Variants in ONECUT2 observed in about 807,000 individuals in gnomAD.
ONECUT2 encodes one cut domain family member 2.
ONECUT2 carries 10 observed loss-of-function variants against 27.9 expected under a neutral mutation model. That is an observed-to-expected ratio of 0.36 (90% CI 0.22 to 0.61). The LOEUF (loss-of-function observed/expected upper bound fraction) is 0.61. Ranked by LOEUF, ONECUT2 falls within the 20% of genes least tolerant of loss-of-function variation. The pLI is 0.73. For missense variants in ONECUT2, 686 were observed against 721.0 expected (o/e 0.95, Z 0.56); for synonymous variants, 334 against 315.1 (o/e 1.06, Z -0.64).
At position 57,478,035 on chromosome 18, in the gene ONECUT2, A is replaced by G. The variant is rs1479075842; in HGVS notation, c.*1312A>G. Reference sequence around the variant, plus strand: ...ATACTGCAAACCAAAGACATTTATGACTTGTCATTTTCTAGCCTAAAAATA... The same window carrying G: ...ATACTGCAAACCAAAGACATTTATGGCTTGTCATTTTCTAGCCTAAAAATA... On this transcript the variant is annotated 3_prime_UTR_variant, in exon 2 of 2. Transcript: ENST00000491143. 6.6e-6 allele frequency: 1 copy of G among 152,654 alleles called. No homozygotes were observed. The highest frequency in any genetic ancestry group is 2.4e-5 in the African/African-American group (1 of 41,456). 9.5% of individuals were successfully genotyped at this position (152,654 alleles called of 1,614,324 possible).
In ONECUT2 at chr18:57,487,778, A is replaced by G. The variant is rs527502902; in HGVS notation, c.*11055A>G. ...AATATAAGAAGAAGTTTTGAAACCC[A>G]CTTTAGGAAAACCATCTTCTTTAAA... On this transcript the variant is annotated 3_prime_UTR_variant, in exon 2 of 2. Coordinates refer to ENST00000491143, the MANE Select transcript of ONECUT2 (RefSeq NM_004852.3). 1 of 152,240 alleles carries G rather than the reference A, an allele frequency of 6.6e-6. No homozygotes were observed. The highest frequency in any genetic ancestry group is 2.4e-5 in the African/African-American group (1 of 41,554). 9.4% of individuals were successfully genotyped at this position (152,240 alleles called of 1,614,324 possible).
rs35196996 is a variant in ONECUT2, at chr18:57,489,673, A to ACTAT, written c.*12953_*12954insTCTA. The ACTAT allele has an allele frequency of 0.98, 148,516 of 152,146 alleles. 72,601 individuals are homozygous for ACTAT. The highest frequency in any genetic ancestry group is 1 in the East Asian group (5,184 of 5,184). 9.4% of individuals were successfully genotyped at this position (152,146 alleles called of 1,614,324 possible). ...CACCTGGGAAGAAAAGAGTCCGAAG[A>ACTAT]CTAGCAATCGGATAGGTAGTCATAC... On this transcript the variant is annotated 3_prime_UTR_variant, in exon 2 of 2. Transcript: ENST00000491143.
chr18:57,435,852 G>C lies in ONECUT2; in HGVS notation c.136G>C (p.Gly46Arg). The C allele has an allele frequency of 9.9e-7, 1 of 1,005,942 alleles. No individual in the cohort carries two copies. The highest frequency in any genetic ancestry group is 1.2e-6 in the Non-Finnish European group (1 of 842,672). 62.3% of individuals were successfully genotyped at this position (1,005,942 alleles called of 1,614,324 possible). ...AGGGSGGGGG[G>R]GGGGGGGGPG... ...CGGCGGCAGTGGCGGGGGCGGCGGCGGGGGCGGCGGGGGCGGCGGCGGGGG... is the reference window on the plus strand; with the variant it reads ...CGGCGGCAGTGGCGGGGGCGGCGGCCGGGGCGGCGGGGGCGGCGGCGGGGG... Residue 46 changes from glycine to arginine, a missense_variant, in exon 1 of 2, where the codon GGG becomes CGG. Physicochemically the swap from Gly to Arg is moderately radical, Grantham distance 125. Coordinates refer to ENST00000491143, the MANE Select transcript of ONECUT2 (RefSeq NM_004852.3).
intron 1 of ONECUT2, among the ~76,000 whole-genome samples, chr18:57,455,393 C>G (rs190599181): frequency 1.3e-5 from 2 of 152,200 alleles, no homozygotes; most frequent in Non-Finnish European, 2.9e-5. Flanking sequence ...TAAACAGTCT[C>G]TAGTATCCTT....
At chr18:57,448,443 T>C (rs1412664810) in intron 1 of ONECUT2, among the ~76,000 whole-genome samples, 1 of 152,144 alleles carries the variant, frequency 6.6e-6, no homozygotes, top group Non-Finnish European at 1.5e-5. Flanking sequence ...TTGAAAAAAA[T>C]TGTTTCTGTG....
At chr18:57,448,205 A>G (rs899528568) in intron 1 of ONECUT2, among the ~76,000 whole-genome samples, 1 of 152,310 alleles carries the variant, frequency 6.6e-6, no homozygotes, top group Non-Finnish European at 1.5e-5. Flanking sequence ...CTCTTGCTTT[A>G]TTTCAAATAA....
At chr18:57,451,613 A>C (rs2050230813) in intron 1 of ONECUT2, among the ~76,000 whole-genome samples, 1 of 152,094 alleles carries the variant, frequency 6.6e-6, no homozygotes, top group Admixed American at 6.5e-5. Flanking sequence ...CTCCTCCCTA[A>C]CCAGTTCTCC....
At position 57,487,938 on chromosome 18, in the gene ONECUT2, A is replaced by C. The variant is rs2050446111; in HGVS notation, c.*11215A>C. 1 of 152,220 alleles carries C rather than the reference A, an allele frequency of 6.6e-6. No individual in the cohort carries two copies. Among genetic ancestry groups the C allele is most frequent in the Admixed American group, 6.5e-5 (1 of 15,276 alleles). 9.4% of individuals were successfully genotyped at this position (152,220 alleles called of 1,614,324 possible). On this transcript the variant is annotated 3_prime_UTR_variant, in exon 2 of 2. Coordinates refer to ENST00000491143, the MANE Select transcript of ONECUT2 (RefSeq NM_004852.3). ...CATATTTCCCAAACCAAAATGCTTG[A>C]CATAAAGCCAAATCAACTGCCAAGC... is the stretch of plus-strand genomic sequence containing the variant.
rs767209341 is a variant in ONECUT2 at position 57,436,478 on chromosome 18, C to G, written c.762C>G (p.His254Gln). ...QSLPNYGPPG[H>Q]DKMLSPNFDA... The stretch of plus-strand genomic sequence containing the variant: ...TGCCCAACTACGGTCCGCCGGGCCA[C>G]GACAAAATGCTCAGCCCCAACTTCG... Residue 254 changes from histidine (H) to glutamine (Q), a missense_variant, in exon 1 of 2, where the codon CAC (histidine) becomes CAG (glutamine). This residue lies in a region of ONECUT2 where 511 missense variants were observed against 488.1 expected (regional missense o/e 1.05). Coordinates refer to ENST00000491143, the MANE Select transcript of ONECUT2 (RefSeq NM_004852.3). This position sits in a 1 kb window ranked among gnomAD's most constrained non-coding sequence, Gnocchi z 5.9. 6.2e-7 allele frequency: 1 copy of G among 1,613,244 alleles called. No individual in the cohort carries two copies. Among genetic ancestry groups the G allele is most frequent in the East Asian group, 2.2e-5 (1 of 44,860 alleles).
rs764014713 is a variant in ONECUT2 at position 57,436,656 on chromosome 18, C to A, written c.940C>A (p.Arg314=). The change falls in exon 1 of 2, where the codon CGG becomes AGG. Residue 314 remains arginine (R), a synonymous_variant. Coordinates refer to ENST00000491143, the MANE Select transcript of ONECUT2 (RefSeq NM_004852.3). The surrounding 1 kb of genome is among the most constrained non-coding windows in gnomAD (Gnocchi z 5.9). ...HGPVLAPSRE[R]PPSSSSGSQV... ...GCCGGTGCTGGCACCCAGTCGCGAG[C>A]GGCCACCCTCGTCCTCATCGGGCTC... 2.5e-6 allele frequency: 4 copies of A among 1,612,262 alleles called. No individual in the cohort carries two copies. Among genetic ancestry groups the A allele is most frequent in the Non-Finnish European group, 3.4e-6 (4 of 1,179,862 alleles).
intron 1 of ONECUT2, among the ~76,000 whole-genome samples, chr18:57,464,634 A>G (rs1249689419): frequency 6.6e-6 from 1 of 152,268 alleles, no homozygotes; most frequent in Non-Finnish European, 1.5e-5. Context: ...TCACATAAAG[A>G]TGAAAAGTAA....
Position 57,435,660 on chromosome 18 carries a change from T to C in ONECUT2, c.-57T>C. ...CAGCCGAGCCCCGCCACGCGCGCCT[T>C]GCCCGCCCGCCGGCCGCCCCCGCCG... On this transcript the variant is annotated 5_prime_UTR_variant, in exon 1 of 2. Coordinates refer to ENST00000491143, the MANE Select transcript of ONECUT2 (RefSeq NM_004852.3). The C allele has an allele frequency of 2.0e-6, 2 of 1,005,234 alleles. No homozygotes were observed. Among genetic ancestry groups the C allele is most frequent in the Non-Finnish European group, 2.4e-6 (2 of 839,278 alleles). The allele number at this position is 1,005,234 out of a possible 1,614,324, so 62.3% of individuals were successfully genotyped here.
At chr18:57,444,863 A>G (rs948991619) in intron 1 of ONECUT2, among the ~76,000 whole-genome samples, 4 of 152,064 alleles carry the variant, frequency 2.6e-5, no homozygotes, top group African/African-American at 9.7e-5. Flanking sequence ...CAAACCAAAC[A>G]AAAATGGGAA....
intron 1 of ONECUT2, chr18:57,444,360 C>T: frequency 4.4e-6 from 2 of 456,670 alleles, no homozygotes; most frequent in Non-Finnish European, 8.8e-6. Context: ...TGTTTGACGG[C>T]TCATTTTTCT....
intron 1 of ONECUT2, among the ~76,000 whole-genome samples, chr18:57,472,664 C>T (rs1462866270): frequency 2.0e-5 from 3 of 151,934 alleles, no homozygotes; most frequent in African/African-American, 7.3e-5. Context: ...GTTTGCTTCA[C>T]GTTAAGTCTT....
chr18:57,446,479 A>G (rs1251250848), intron 1 of ONECUT2, among the ~76,000 whole-genome samples: 1 of 152,158 alleles, frequency 6.6e-6, no homozygotes, highest in African/African-American at 2.4e-5. Flanking sequence ...AAAGGTTTCA[A>G]GTGGAGTCGG....
At position 57,476,516 on chromosome 18, in the gene ONECUT2, C is replaced by T. The variant is rs761961481; in HGVS notation, c.1308C>T (p.Leu436=). ...AGTCCCGCCTGGTGTTCACTGACCT[C>T]CAACGCCGAACACTCTTCGCCATCT... is the stretch of plus-strand genomic sequence containing the variant. ...QKKSRLVFTD[L]QRRTLFAIFK... Residue 436 remains leucine, a synonymous_variant, in exon 2 of 2, where the codon CTC becomes CTT. Transcript: ENST00000491143. The T allele has an allele frequency of 6.8e-6, 11 of 1,614,100 alleles. No individual in the cohort carries two copies. In the South Asian group the frequency reaches 1.2e-4, roughly 18 times the overall value.
Position 57,435,846 on chromosome 18 carries a change from G to T in ONECUT2, c.130G>T (p.Gly44Cys). ...GPAGGGSGGGGGGGGGGGGGG... is the reference protein window; with the variant it reads ...GPAGGGSGGGCGGGGGGGGGG... ...GGCCGGCGGCGGCAGTGGCGGGGGC[G>T]GCGGCGGGGGCGGCGGGGGCGGCGG... Residue 44 changes from glycine to cysteine, a missense_variant, in exon 1 of 2, where the codon GGC becomes TGC. Gly to Cys is a radical substitution (Grantham distance 159, BLOSUM62 -3). This residue lies in a region of ONECUT2 where 511 missense variants were observed against 488.1 expected (regional missense o/e 1.05). Transcript: ENST00000491143. The T allele has an allele frequency of 1.0e-6, 1 of 1,002,776 alleles. No individual in the cohort carries two copies. 62.1% of individuals were successfully genotyped at this position (1,002,776 alleles called of 1,614,324 possible).
In ONECUT2 at chr18:57,487,868, C is replaced by T. The variant is rs1428538448; in HGVS notation, c.*11145C>T. 1 of 152,166 alleles carries T rather than the reference C, an allele frequency of 6.6e-6. No individual in the cohort carries two copies. Among genetic ancestry groups the T allele is most frequent in the Non-Finnish European group, 1.5e-5 (1 of 68,016 alleles). The allele number at this position is 152,166 out of a possible 1,614,324, so 9.4% of individuals were successfully genotyped here. A position where few individuals can be genotyped will look rare whatever the true frequency, so the allele number is the denominator to read the frequency against. ...TTTCAGTTGCAGGGGATTGGGCAAA[C>T]TTGTTCTTTCTTATACTTGGGTTCA... On this transcript the variant is annotated 3_prime_UTR_variant, in exon 2 of 2. Coordinates refer to ENST00000491143, the MANE Select transcript of ONECUT2 (RefSeq NM_004852.3).
Sources: allele counts gnomAD v4.1 joint callset (sites outside exome capture counted in the v4.1 genomes callset), GRCh38; gene constraint gnomAD v4.1.1; regional missense constraint gnomAD v4.1.1; non-coding constraint Gnocchi (gnomAD v3.1); transcripts MANE v1.5; gene names NCBI Gene and HGNC (gene_info 2026-07-23, HGNC 2026-07-21).